Variants in FANCC observed in about 807,000 individuals in gnomAD.
The protein encoded by FANCC is Fanconi anemia group C protein.
Under a neutral mutation model 71.3 loss-of-function variants are expected in FANCC, and 55 were observed. That is an observed-to-expected ratio of 0.77 (90% CI 0.62 to 0.97). FANCC has a LOEUF of 0.97. FANCC is among the 50% of genes least tolerant of loss of function. The pLI, the probability that FANCC is intolerant of heterozygous loss-of-function variation, is 0.00. For synonymous variants in FANCC, 275 were observed against 244.9 expected (o/e 1.12, Z -1.15); for missense variants, 678 against 670.9 (o/e 1.01, Z -0.12).
chr9:95,110,127 G>T, intron 13 of FANCC: 1 of 448,752 alleles, frequency 2.2e-6, no homozygotes, highest in Non-Finnish European at 3.0e-6. Context: ...CAAAATCCTA[G>T]GCATCCCCTG....
intron 9 of FANCC, 74 bp downstream of exon 9, chr9:95,126,452 CACA>C: frequency 1.5e-6 from 2 of 1,372,568 alleles, no homozygotes; most frequent in Non-Finnish European, 2.1e-6. Flanking sequence ...CAGAGACTAC[CACA>C]ACATTTTCTG....
chr9:95,276,595 T>G (rs1833055068), intron 1 of FANCC, among the ~76,000 whole-genome samples: 1 of 152,214 alleles, frequency 6.6e-6, no homozygotes, highest in East Asian at 1.9e-4. Flanking sequence ...CTGGCAATAC[T>G]CAGAAGGCTT....
intron 1 of FANCC, among the ~76,000 whole-genome samples, chr9:95,316,411 T>A (rs777597053): frequency 4.6e-5 from 7 of 152,232 alleles, no homozygotes; most frequent in Non-Finnish European, 7.3e-5. Context: ...ATTCTACTGT[T>A]TGTAACAACC....
intron 6 of FANCC, among the ~76,000 whole-genome samples, chr9:95,157,782 C>T (rs1830529011): frequency 6.6e-6 from 1 of 152,116 alleles, no homozygotes; most frequent in South Asian, 2.1e-4. Context: ...TATCAGTTGG[C>T]CTGCCCAAAT....
chr9:95,294,322 G>C, intron 1 of FANCC: 1 of 1,588,018 alleles, frequency 6.3e-7, no homozygotes, highest in Non-Finnish European at 8.6e-7. Flanking sequence ...CATGAACACT[G>C]AGCCAGTCTT....
intron 8 of FANCC, among the ~76,000 whole-genome samples, chr9:95,129,947 G>A (rs760078175): frequency 4.6e-5 from 7 of 152,074 alleles, no homozygotes; most frequent in Non-Finnish European, 8.8e-5. Flanking sequence ...ACCCAGAATT[G>A]CATTGTTTAT....
intron 1 of FANCC, among the ~76,000 whole-genome samples, chr9:95,257,963 T>C (rs916307391): frequency 9.2e-5 from 14 of 152,272 alleles, no homozygotes; most frequent in Non-Finnish European, 1.9e-4. Flanking sequence ...ACATACACCC[T>C]CTTACACCCT....
At chr9:95,108,397 CA>C (rs987520692) in intron 13 of FANCC, among the ~76,000 whole-genome samples, 6 of 152,180 alleles carry the variant, frequency 3.9e-5, no homozygotes, top group African/African-American at 1.4e-4. Context: ...ACTGGGTCTG[CA>C]AAAATGTCAG....
At chr9:95,284,464 C>CTTG (rs1789473818) in intron 1 of FANCC, among the ~76,000 whole-genome samples, 1 of 152,174 alleles carries the variant, frequency 6.6e-6, no homozygotes, top group Non-Finnish European at 1.5e-5. Flanking sequence ...TTAAATTATA[C>CTTG]TTGAAGACTT....
At chr9:95,291,300 T>C (rs150949311) in intron 1 of FANCC, among the ~76,000 whole-genome samples, 52 of 152,198 alleles carry the variant, frequency 3.4e-4, no homozygotes, top group African/African-American at 1.1e-3. Context: ...TGTTTACAGA[T>C]GACACAGTAC....
chr9:95,261,209 G>A (rs1296100691), intron 1 of FANCC, among the ~76,000 whole-genome samples: 2 of 152,184 alleles, frequency 1.3e-5, no homozygotes, highest in African/African-American at 4.8e-5. Flanking sequence ...TGATTCTTCA[G>A]ATTTATGGTA....
At chr9:95,199,160 T>C (rs957178841) in intron 4 of FANCC, among the ~76,000 whole-genome samples, 5 of 152,090 alleles carry the variant, frequency 3.3e-5, no homozygotes, top group Non-Finnish European at 5.9e-5. Flanking sequence ...TCTGAATGGG[T>C]TTAGACCTTG....
chr9:95,124,491 C>A (rs982375601), intron 10 of FANCC, among the ~76,000 whole-genome samples: 1 of 152,126 alleles, frequency 6.6e-6, no homozygotes, highest in Admixed American at 6.6e-5. Flanking sequence ...CTGCAGGGTG[C>A]GGGCCTGGCC....
chr9:95,115,113 A>G (rs2072284127), intron 11 of FANCC, among the ~76,000 whole-genome samples: 2 of 152,002 alleles, frequency 1.3e-5, no homozygotes, highest in South Asian at 4.1e-4. Flanking sequence ...GCTATTTTTA[A>G]AATTTTTTTG....
At chr9:95,130,134 G>C (rs2135058873) in intron 8 of FANCC, among the ~76,000 whole-genome samples, 1 of 152,306 alleles carries the variant, frequency 6.6e-6, no homozygotes, top group Admixed American at 6.5e-5. Context: ...ACAGGCTCTT[G>C]TGCCCGGTCC....
At chr9:95,188,714 A>G (rs1363088522) in intron 4 of FANCC, among the ~76,000 whole-genome samples, 1 of 152,102 alleles carries the variant, frequency 6.6e-6, no homozygotes, top group Non-Finnish European at 1.5e-5. Flanking sequence ...GTTTCCCACT[A>G]ACTGTTACTT....
intron 4 of FANCC, among the ~76,000 whole-genome samples, chr9:95,227,156 T>C (rs1829671184): frequency 2.0e-5 from 3 of 152,306 alleles, no homozygotes; most frequent in South Asian, 2.1e-4. Context: ...CCACTCTCTC[T>C]CCTCTCTAAG....
At chr9:95,227,187 G>C (rs1221302112) in intron 4 of FANCC, among the ~76,000 whole-genome samples, 2 of 152,160 alleles carry the variant, frequency 1.3e-5, no homozygotes, top group Admixed American at 1.3e-4. Context: ...TACTTGGTCA[G>C]TTCGGGAGAG....
intron 6 of FANCC, among the ~76,000 whole-genome samples, chr9:95,155,219 A>C (rs1386914073): frequency 7.6e-6 from 1 of 131,456 alleles, no homozygotes; most frequent in Non-Finnish European, 1.6e-5. Context: ...AAAGAAAGGA[A>C]AGAGAGAGCG....
Sources: allele counts gnomAD v4.1 joint callset (sites outside exome capture counted in the v4.1 genomes callset), GRCh38; gene constraint gnomAD v4.1.1; transcripts MANE v1.5; gene names NCBI Gene and HGNC (gene_info 2026-07-23, HGNC 2026-07-21).